Variants in HEATR5A observed in about 807,000 individuals in gnomAD.
HEATR5A encodes HEAT repeat-containing protein 5A.
A neutral mutation model predicts 218.8 loss-of-function variants in HEATR5A; 178 were observed. That is an observed-to-expected ratio of 0.81 (90% CI 0.72 to 0.92). The LOEUF is 0.92. HEATR5A is among the 40% of genes least tolerant of loss of function. The probability of loss-of-function intolerance (pLI) is 0.00; values close to 1 mark genes in which losing one functional copy is unlikely to be tolerated. For synonymous variants in HEATR5A, 864 were observed against 871.6 expected, an observed-to-expected ratio of 0.99 and a Z score of 0.15; for missense variants, 2,420 against 2,418.9, an observed-to-expected ratio of 1.00 and a Z score of -0.01.
At chr14:31,360,101 T>C (rs1287729911) in intron 14 of HEATR5A, among the ~76,000 whole-genome samples, 1 of 151,778 alleles carries the variant, frequency 6.6e-6, no homozygotes, top group East Asian at 1.9e-4. Flanking sequence ...TATTCAAATT[T>C]CCAACTATCT....
chr14:31,378,773 G>A (rs1403741883), intron 11 of HEATR5A, among the ~76,000 whole-genome samples: 51 of 119,914 alleles, frequency 4.3e-4, no homozygotes, highest in Non-Finnish European at 7.6e-4. Flanking sequence ...GGGTGACAAA[G>A]TGAGACTCCA....
intron 6 of HEATR5A, among the ~76,000 whole-genome samples, chr14:31,392,134 A>G (rs1032478637): frequency 6.6e-6 from 1 of 152,212 alleles, no homozygotes; most frequent in African/African-American, 2.4e-5. Context: ...TTGACAGAGA[A>G]CTATGTAAGT....
chr14:31,413,894 T>C (rs753307277), intron 1 of HEATR5A, among the ~76,000 whole-genome samples: 2 of 152,194 alleles, frequency 1.3e-5, no homozygotes, highest in Non-Finnish European at 2.9e-5. Flanking sequence ...GTTATTGCCA[T>C]AGCTGGTGAA....
At chr14:31,382,575 A>G (rs186579724) in intron 10 of HEATR5A, among the ~76,000 whole-genome samples, 28 of 152,130 alleles carry the variant, frequency 1.8e-4, no homozygotes, top group African/African-American at 5.3e-4. Context: ...TTGCTTGCCT[A>G]TGTTGTATTA....
At chr14:31,367,701 A>T (rs570944450) in intron 13 of HEATR5A, among the ~76,000 whole-genome samples, 1 of 149,900 alleles carries the variant, frequency 6.7e-6, no homozygotes, top group East Asian at 2.0e-4. Flanking sequence ...TTATAGCATG[A>T]GCCACTGTGC....
intron 29 of HEATR5A, among the ~76,000 whole-genome samples, chr14:31,308,702 T>C (rs764208804): frequency 4.6e-5 from 7 of 151,998 alleles, no homozygotes; most frequent in African/African-American, 1.7e-4. Context: ...TTTATTAAAT[T>C]CTCGTAATAG....
chr14:31,407,497 G>A (rs183020441), intron 1 of HEATR5A, among the ~76,000 whole-genome samples: 2 of 152,150 alleles, frequency 1.3e-5, no homozygotes, highest in African/African-American at 4.8e-5. Context: ...TAGTCAAAAT[G>A]CTGCCAGCAC....
chr14:31,406,725 A>C (rs1202261602), intron 1 of HEATR5A, among the ~76,000 whole-genome samples: 1 of 152,184 alleles, frequency 6.6e-6, no homozygotes, highest in African/African-American at 2.4e-5. Flanking sequence ...TGGGAGGCCA[A>C]GGCAGGTGGA....
intron 16 of HEATR5A, among the ~76,000 whole-genome samples, chr14:31,356,014 T>C (rs935549556): frequency 1.3e-5 from 2 of 152,266 alleles, no homozygotes; most frequent in African/African-American, 4.8e-5. Flanking sequence ...TAAATTTAGA[T>C]ACTTTAATTA....
At chr14:31,419,336 T>C (rs2031563500) in intron 1 of HEATR5A, among the ~76,000 whole-genome samples, 2 of 152,192 alleles carry the variant, frequency 1.3e-5, no homozygotes, top group African/African-American at 4.8e-5. Context: ...GCTTCGATAC[T>C]TTATCTAAAA....
intron 24 of HEATR5A, among the ~76,000 whole-genome samples, chr14:31,322,976 G>A (rs1900158345): frequency 6.6e-6 from 1 of 151,962 alleles, no homozygotes; most frequent in African/African-American, 2.4e-5. Flanking sequence ...CTTACAATCA[G>A]GTTTACTTAA....
In HEATR5A at chr14:31,294,075, A is replaced by G; in HGVS notation, c.5649T>C (p.His1883=). The G allele has an allele frequency of 6.3e-7, 1 of 1,597,834 alleles. No homozygotes were observed. The highest frequency in any genetic ancestry group is 8.5e-7 in the Non-Finnish European group (1 of 1,171,334). ...CTGGATTTGGATACTGAAAGATGGA[A>G]TGTAGGAGCTGGTAGGTCTTGATTT... ...VVQIKTYQLL[H]SIFQYPNPAV... The change falls in exon 35 of 36, where the codon CAT becomes CAC. Residue 1883 remains histidine (H), a synonymous_variant. Coordinates refer to ENST00000543095, the MANE Select transcript of HEATR5A (RefSeq NM_015473.4).
intron 21 of HEATR5A, among the ~76,000 whole-genome samples, chr14:31,340,039 A>G (rs1471938512): frequency 2.0e-5 from 3 of 152,190 alleles, no homozygotes; most frequent in Admixed American, 2.0e-4. Flanking sequence ...AAAAAGATTG[A>G]AGGCTGTCAC....
In HEATR5A at chr14:31,398,711, T is replaced by C. The variant is rs2030753607; in HGVS notation, c.409A>G (p.Thr137Ala). 6.5e-6 allele frequency: 10 copies of C among 1,530,828 alleles called. No homozygotes were observed. Among genetic ancestry groups the C allele is most frequent in the Admixed American group, 2.0e-5 (1 of 50,974 alleles). The allele number at this position is 1,530,828 out of a possible 1,614,324, so 94.8% of individuals were successfully genotyped here. Reference sequence around the variant, plus strand: ...ATAGCTTTAAGAATATTCCCCACTGTATCAGTAAAGGTGTTACCCAGTATT... The same window carrying C: ...ATAGCTTTAAGAATATTCCCCACTGCATCAGTAAAGGTGTTACCCAGTATT... Reference protein sequence around the residue: ...GRILGNTFTDTVGNILKAMKS... With the variant: ...GRILGNTFTDAVGNILKAMKS... Residue 137 changes from threonine (T) to alanine (A), a missense_variant, in exon 4 of 36, where the codon ACA becomes GCA. Transcript: ENST00000543095.
At chr14:31,413,201 G>A (rs2031339583) in intron 1 of HEATR5A, among the ~76,000 whole-genome samples, 1 of 152,104 alleles carries the variant, frequency 6.6e-6, no homozygotes, top group Non-Finnish European at 1.5e-5. Context: ...AAAGCAATAT[G>A]AACAGCAAAT....
rs573060339 is a variant in HEATR5A, at chr14:31,348,972, T to A, written c.2708+817A>T. ...TTATTTGTAGGCTTTTTTCCCATAT[T>A]ACTTTTATATTTACTATCTCATTTA... On this transcript the variant is annotated intron_variant, in intron 18 of 35. Transcript: ENST00000543095. Among the ~76,000 whole-genome samples the A allele has an allele frequency of 2.0e-5, 3 of 152,364 alleles. No individual in the cohort carries two copies. The South Asian group carries it at 6.2e-4, about 32-fold the overall frequency.
In HEATR5A at chr14:31,337,359, T is replaced by C. The variant is rs560744152; in HGVS notation, c.3367+117A>G. ...TGGAATAACTGTTAGCAATTCTTTC[T>C]TGTAGCAGGTTTAAGACATATTAAC... is the stretch of plus-strand genomic sequence containing the variant. On this transcript the variant is annotated intron_variant, in intron 22 of 35. Transcript: ENST00000543095. 5.2e-5 allele frequency: 40 copies of C among 773,588 alleles called. 1 individual carries two copies. The South Asian group carries it at 7.6e-4, about 15-fold the overall frequency. The allele number at this position is 773,588 out of a possible 1,614,324, so 47.9% of individuals were successfully genotyped here. A position where few individuals can be genotyped will look rare whatever the true frequency, so the allele number is the denominator to read the frequency against.
At chr14:31,349,375 C>T (rs1901133858) in intron 18 of HEATR5A, among the ~76,000 whole-genome samples, 1 of 151,702 alleles carries the variant, frequency 6.6e-6, no homozygotes, top group Non-Finnish European at 1.5e-5. Context: ...CAGGGTGAGA[C>T]TCCGTCTCAA....
intron 21 of HEATR5A, chr14:31,340,548 G>A (rs768360485): frequency 4.3e-6 from 4 of 923,734 alleles, no homozygotes; most frequent in Non-Finnish European, 6.1e-6. Flanking sequence ...TTTGACAACA[G>A]TCAGCTAAGC....
Sources: allele counts gnomAD v4.1 joint callset (sites outside exome capture counted in the v4.1 genomes callset), GRCh38; gene constraint gnomAD v4.1.1; transcripts MANE v1.5; gene names NCBI Gene and HGNC (gene_info 2026-07-23, HGNC 2026-07-21).